The following UST variants were observed in gnomAD, a reference collection of about 807,000 sequenced individuals.
UST encodes uronyl 2-sulfotransferase.
Under a neutral mutation model 45.6 loss-of-function variants are expected in UST, and 21 were observed. The ratio of observed to expected loss-of-function variants is 0.46; its 90% CI spans 0.33 to 0.66. The LOEUF (loss-of-function observed/expected upper bound fraction) is 0.66, where lower values mean the gene tolerates loss of function less well. Ranked by LOEUF, UST falls within the 30% of genes least tolerant of loss-of-function variation. The pLI is 0.02. For synonymous variants in UST, 215 were observed against 200.6 expected (o/e 1.07, Z -0.61); for missense variants, 463 against 512.4 (o/e 0.90, Z 0.93).
At chr6:148,992,876 T>C (rs980567373) in intron 5 of UST, 4 of 411,974 alleles carry the variant, frequency 9.7e-6, no homozygotes, top group African/African-American at 8.7e-5. Flanking sequence ...TCTTTAGCAG[T>C]CTAGTGAAGT....
At chr6:148,842,367 A>G (rs12529264) in intron 1 of UST, among the ~76,000 whole-genome samples, 25,747 of 152,128 alleles carry the variant, frequency 0.17, 2,297 homozygotes, top group South Asian at 0.25. Flanking sequence ...CACATCTGTT[A>G]TATGTAACTG....
chr6:148,809,306 A>G (rs1198330907), intron 1 of UST, among the ~76,000 whole-genome samples: 1 of 150,554 alleles, frequency 6.6e-6, no homozygotes, highest in African/African-American at 2.4e-5. Context: ...GAATTTCTTA[A>G]AACCTTAGTT....
chr6:149,008,665 C>T (rs940707416), intron 5 of UST, among the ~76,000 whole-genome samples: 1 of 152,088 alleles, frequency 6.6e-6, no homozygotes, highest in Non-Finnish European at 1.5e-5. Flanking sequence ...TTTGGAAATG[C>T]CAGGGACGAT....
In UST at chr6:149,074,041, A is replaced by C; in HGVS notation, c.1146A>C (p.Pro382=). The change falls in exon 8 of 8, where the codon CCA becomes CCC. Residue 382 remains proline (P), a synonymous_variant. Transcript: ENST00000367463. ...GGCCACACTTCTTTATCCCAACTCC[A>C]CTGGAAACCGAGGAGCCAATCGACG... ...PLRPHFFIPT[P]LETEEPIDDE... is the part of the protein sequence containing the mutation. 1 of 1,614,184 alleles carries C rather than the reference A, an allele frequency of 6.2e-7. No individual in the cohort carries two copies. The highest frequency in any genetic ancestry group is 8.5e-7 in the Non-Finnish European group (1 of 1,180,012).
intron 5 of UST, among the ~76,000 whole-genome samples, chr6:148,974,757 G>A (rs1349136366): frequency 1.3e-5 from 2 of 152,168 alleles, no homozygotes; most frequent in African/African-American, 4.8e-5. Flanking sequence ...AATGGGTAAG[G>A]CATTGGCTCC....
intron 2 of UST, among the ~76,000 whole-genome samples, chr6:148,930,967 T>C (rs1480119834): frequency 1.3e-5 from 2 of 152,214 alleles, no homozygotes; most frequent in East Asian, 3.8e-4. Flanking sequence ...ATCCAAGCTT[T>C]TGGTCTTAAA....
intron 3 of UST, among the ~76,000 whole-genome samples, chr6:148,949,751 G>A (rs931963770): frequency 5.9e-5 from 9 of 152,100 alleles, no homozygotes; most frequent in African/African-American, 2.2e-4. Flanking sequence ...AGTACCTTGA[G>A]TAGGCTTTCT....
chr6:149,068,032 A>G (rs1776767379), intron 7 of UST, among the ~76,000 whole-genome samples: 2 of 151,434 alleles, frequency 1.3e-5, no homozygotes, highest in South Asian at 2.1e-4. Context: ...ATCGTGCCCA[A>G]TTTTTTTTTA....
chr6:148,809,423 G>A (rs751245904), intron 1 of UST, among the ~76,000 whole-genome samples: 3 of 151,568 alleles, frequency 2.0e-5, no homozygotes, highest in African/African-American at 4.9e-5. Context: ...TCAGAGGTGC[G>A]TGTCACCCTT....
chr6:149,034,319 C>T (rs1010591699), intron 7 of UST, among the ~76,000 whole-genome samples: 5 of 152,324 alleles, frequency 3.3e-5, no homozygotes, highest in African/African-American at 1.2e-4. Flanking sequence ...AGATCTGCCG[C>T]ATTCAGTATT....
intron 5 of UST, among the ~76,000 whole-genome samples, chr6:148,972,988 G>C (rs1274850069): frequency 6.6e-6 from 1 of 152,116 alleles, no homozygotes; most frequent in Admixed American, 6.5e-5. Context: ...AGCAGGAGCT[G>C]TTTTCACTGA....
chr6:148,773,571 G>T (rs1389657504), intron 1 of UST, among the ~76,000 whole-genome samples: 1 of 152,112 alleles, frequency 6.6e-6, no homozygotes, highest in Non-Finnish European at 1.5e-5. Flanking sequence ...AATCCCAGAA[G>T]ACTGTTTTCT....
intron 7 of UST, among the ~76,000 whole-genome samples, chr6:149,055,960 C>T (rs960254165): frequency 1.4e-5 from 2 of 139,478 alleles, no homozygotes; most frequent in African/African-American, 2.9e-5. Flanking sequence ...CATGTCAGTG[C>T]TCTTCTCTGT....
At chr6:148,978,413 G>T (rs2114976936) in intron 5 of UST, among the ~76,000 whole-genome samples, 1 of 152,172 alleles carries the variant, frequency 6.6e-6, no homozygotes, top group African/African-American at 2.4e-5. Context: ...CAAAGACTTG[G>T]AACTAACCCA....
chr6:148,760,576 CCAGA>C (rs1306805533), intron 1 of UST, among the ~76,000 whole-genome samples: 14 of 152,096 alleles, frequency 9.2e-5, no homozygotes, highest in Middle Eastern at 3.4e-3. Context: ...TAAATCTTGT[CCAGA>C]CAAATAGGTC....
intron 2 of UST, among the ~76,000 whole-genome samples, chr6:148,905,760 A>G (rs1438373980): frequency 1.3e-5 from 2 of 152,190 alleles, no homozygotes; most frequent in Non-Finnish European, 2.9e-5. Context: ...TGAGGAATAT[A>G]TGATCTTAAG....
chr6:148,828,873 A>G (rs984063746), intron 1 of UST, among the ~76,000 whole-genome samples: 8 of 152,222 alleles, frequency 5.3e-5, no homozygotes, highest in African/African-American at 1.9e-4. Context: ...TTTATAACCA[A>G]TAGTACATTG....
intron 5 of UST, among the ~76,000 whole-genome samples, chr6:148,966,245 T>TAA (rs112120036): frequency 1.3e-5 from 2 of 150,240 alleles, no homozygotes; most frequent in Non-Finnish European, 3.0e-5. Context: ...ATAATAATAA[T>TAA]TAAATAAAAT....
chr6:148,976,618 A>G (rs1346159386), intron 5 of UST, among the ~76,000 whole-genome samples: 1 of 152,192 alleles, frequency 6.6e-6, no homozygotes, highest in Non-Finnish European at 1.5e-5. Flanking sequence ...TGTCAGTAGG[A>G]TAAGTTGCAT....
Sources: gnomAD v4.1 joint callset for allele counts (sites outside exome capture counted in the v4.1 genomes callset) on GRCh38, gnomAD v4.1.1 for gene constraint, MANE v1.5 for transcripts, NCBI Gene and HGNC (gene_info 2026-07-23, HGNC 2026-07-21) for gene names.